PDE4D: variants seen among roughly 807,000 people sequenced by gnomAD.
PDE4D encodes the protein 3',5'-cyclic-AMP phosphodiesterase 4D.
Under a neutral mutation model 87.4 loss-of-function variants are expected in PDE4D, and 24 were observed. The ratio of observed to expected loss-of-function variants is 0.27; its 90% CI spans 0.20 to 0.39. PDE4D has a LOEUF of 0.39. Ranked by LOEUF, PDE4D falls within the 10% of genes least tolerant of loss-of-function variation. The probability of loss-of-function intolerance (pLI) is 1.00; values close to 1 mark genes in which losing one functional copy is unlikely to be tolerated. For missense variants in PDE4D, 714 were observed against 1,041.0 expected, an observed-to-expected ratio of 0.69 and a Z score of 4.32; for synonymous variants, 384 against 383.2, an observed-to-expected ratio of 1.00 and a Z score of -0.02.
At chr5:59,059,309 C>G (rs1331981136) in intron 5 of PDE4D, among the ~76,000 whole-genome samples, 1 of 152,114 alleles carries the variant, frequency 6.6e-6, no homozygotes, top group Admixed American at 6.6e-5. Context: ...ATATTGTCTA[C>G]CTTAATCCAC....
At chr5:60,327,632 T>C (rs1305514443) in intron 1 of PDE4D, among the ~76,000 whole-genome samples, 1 of 152,182 alleles carries the variant, frequency 6.6e-6, no homozygotes, top group Non-Finnish European at 1.5e-5. Flanking sequence ...CAGAAACGTG[T>C]ATGTGCGAGC....
chr5:59,883,033 CCT>C (rs1163519252), intron 1 of PDE4D, among the ~76,000 whole-genome samples: 4 of 152,264 alleles, frequency 2.6e-5, no homozygotes, highest in African/African-American at 9.6e-5. Context: ...CCCGTCTTGG[CCT>C]CCCAAAGTGT....
chr5:59,279,441 A>C (rs577915981), intron 1 of PDE4D, among the ~76,000 whole-genome samples: 2 of 152,196 alleles, frequency 1.3e-5, no homozygotes, highest in South Asian at 4.1e-4. Context: ...CTTACTAGGA[A>C]TACAGTTGGA....
chr5:60,241,723 G>A (rs374320599), intron 1 of PDE4D, among the ~76,000 whole-genome samples: 1 of 152,094 alleles, frequency 6.6e-6, no homozygotes, highest in African/African-American at 2.4e-5. Flanking sequence ...TGGCCATGAA[G>A]AGGAGGTAGA....
chr5:59,940,574 T>C (rs1393429360), intron 3 of PDE4D, among the ~76,000 whole-genome samples: 2 of 152,120 alleles, frequency 1.3e-5, no homozygotes, highest in Non-Finnish European at 2.9e-5. Flanking sequence ...AAGTAGATGT[T>C]TGATGGTATC....
intron 1 of PDE4D, among the ~76,000 whole-genome samples, chr5:59,826,101 G>GT (rs1770291018): frequency 6.6e-6 from 1 of 152,126 alleles, no homozygotes; most frequent in African/African-American, 2.4e-5. Flanking sequence ...AAGAATTTGT[G>GT]TTTTTCTGTT....
At chr5:60,108,709 A>G (rs1295619766) in intron 2 of PDE4D, among the ~76,000 whole-genome samples, 3 of 152,142 alleles carry the variant, frequency 2.0e-5, no homozygotes, top group Non-Finnish European at 2.9e-5. Context: ...AATGCCACAT[A>G]TCTACAACTA....
rs1208242751 is a variant in PDE4D, at chr5:58,990,895, T to G, written c.1196A>C (p.Glu399Ala). ...EQEDVLAKEL[E>A]DVNKWGLHVF... is the part of the protein sequence containing the mutation. ...ATGAAGACCCCATTTGTTCACATCT[T>G]CTAGTTCCTGGAGTGAAAAAAAAAA... Residue 399 changes from glutamate (E) to alanine (A), a missense_variant, in exon 9 of 15, where the codon GAA (glutamate) becomes GCA (alanine). Glu to Ala is a moderately radical substitution (Grantham distance 107, BLOSUM62 -1). Coordinates refer to ENST00000340635, the MANE Select transcript of PDE4D (RefSeq NM_001104631.2). 1 of 1,572,132 alleles carries G rather than the reference T, an allele frequency of 6.4e-7. No individual in the cohort carries two copies. The highest frequency in any genetic ancestry group is 1.7e-5 in the Admixed American group (1 of 57,382).
intron 2 of PDE4D, among the ~76,000 whole-genome samples, chr5:59,203,599 A>G (rs78948732): frequency 0.033 from 5,059 of 151,644 alleles, 185 homozygotes; most frequent in Admixed American, 0.095. Flanking sequence ...GTGTCTAACA[A>G]CAGATGAATA....
At chr5:59,215,694 A>G in intron 2 of PDE4D, 83 bp downstream of exon 2, 5 of 1,189,548 alleles carry the variant, frequency 4.2e-6, no homozygotes, top group Non-Finnish European at 6.2e-6. Context: ...ACAGTTGAAC[A>G]AAAGTCATTA....
intron 1 of PDE4D, among the ~76,000 whole-genome samples, chr5:59,268,993 T>C (rs1277939830): frequency 6.6e-6 from 1 of 152,054 alleles, no homozygotes; most frequent in East Asian, 1.9e-4. Flanking sequence ...CACTACATGA[T>C]TGGAATGATT....
intron 1 of PDE4D, among the ~76,000 whole-genome samples, chr5:59,362,093 A>C (rs1782314646): frequency 6.6e-6 from 1 of 152,152 alleles, no homozygotes; most frequent in Non-Finnish European, 1.5e-5. Context: ...TGTCTTACCC[A>C]TTTGGTTCTC....
intron 1 of PDE4D, among the ~76,000 whole-genome samples, chr5:59,855,961 G>C (rs973688542): frequency 6.6e-6 from 1 of 151,966 alleles, no homozygotes; most frequent in Non-Finnish European, 1.5e-5. Flanking sequence ...ACTAAAATAT[G>C]ACAACTATAA....
At chr5:59,108,020 T>G (rs940555865) in intron 5 of PDE4D, among the ~76,000 whole-genome samples, 1 of 152,224 alleles carries the variant, frequency 6.6e-6, no homozygotes, top group African/African-American at 2.4e-5. Context: ...GCAGCCATAT[T>G]GGGGACCATG....
chr5:60,094,727 A>T lies in PDE4D; in HGVS notation c.42+90830T>A, dbSNP rs572091271. 2.0e-5 allele frequency among the ~76,000 whole-genome samples: 3 copies of T among 151,652 alleles called. No homozygotes were observed. The South Asian group carries it at 6.3e-4, about 32-fold the overall frequency. On this transcript the variant is annotated intron_variant, in intron 2 of 16. Transcript: ENST00000502484. Reference sequence around the variant, plus strand: ...GGCCAAGAAGAAAGGCCAGGGACAGATCTTTCTCTCAGCTTACTCAAAAGG... The same window carrying T: ...GGCCAAGAAGAAAGGCCAGGGACAGTTCTTTCTCTCAGCTTACTCAAAAGG...
intron 1 of PDE4D, among the ~76,000 whole-genome samples, chr5:59,389,926 T>C (rs940699419): frequency 6.6e-6 from 1 of 152,104 alleles, no homozygotes; most frequent in Admixed American, 6.6e-5. Context: ...GTTCTAGTGT[T>C]CGATAACACA....
chr5:60,020,762 C>T (rs572114521), intron 2 of PDE4D, among the ~76,000 whole-genome samples: 1 of 152,292 alleles, frequency 6.6e-6, no homozygotes, highest in South Asian at 2.1e-4. Context: ...CAAGCCAATA[C>T]CTGATCTGGC....
chr5:59,454,789 A>G (rs1799672685), intron 1 of PDE4D, among the ~76,000 whole-genome samples: 1 of 152,202 alleles, frequency 6.6e-6, no homozygotes, highest in African/African-American at 2.4e-5. Context: ...GATATGAACA[A>G]TAAGGTCCAG....
At chr5:60,388,611 T>G (rs1024061667) in intron 1 of PDE4D, among the ~76,000 whole-genome samples, 1 of 152,124 alleles carries the variant, frequency 6.6e-6, no homozygotes. Context: ...CTGTGTTAGT[T>G]TGCTGAGGAT....
Sources: allele counts gnomAD v4.1 joint callset (sites outside exome capture counted in the v4.1 genomes callset), GRCh38; gene constraint gnomAD v4.1.1; transcripts MANE v1.5; gene names NCBI Gene and HGNC (gene_info 2026-07-23, HGNC 2026-07-21).